The following BANP variants were observed in gnomAD, a reference collection of about 807,000 sequenced individuals.
The protein encoded by BANP is BTG3 associated nuclear protein, also known as protein BANP.
Under a neutral mutation model 68.1 loss-of-function variants are expected in BANP, and 11 were observed. The observed-to-expected ratio is 0.16, with a 90% CI of 0.10 to 0.27. The LOEUF is 0.27. Among genes scored for constraint, BANP ranks in the 10% least tolerant of loss-of-function variants. The pLI, the probability that BANP is intolerant of heterozygous loss-of-function variation, is 1.00. For synonymous variants in BANP, 329 were observed against 303.2 expected (o/e 1.09, Z -0.88); for missense variants, 504 against 722.7 (o/e 0.70, Z 3.47).
At chr16:88,040,359 A>G (rs902169187) in intron 11 of BANP, among the ~76,000 whole-genome samples, 1 of 151,952 alleles carries the variant, frequency 6.6e-6, no homozygotes, top group East Asian at 1.9e-4. Context: ...TTTGGGAGAC[A>G]GAAGGATGTT....
At chr16:88,073,460 G>A (rs1407669576) in intron 13 of BANP, among the ~76,000 whole-genome samples, 1 of 152,140 alleles carries the variant, frequency 6.6e-6, no homozygotes, top group Non-Finnish European at 1.5e-5. Flanking sequence ...TGTACTCTGC[G>A]TGGTGTTTGG....
chr16:88,002,174 A>G lies in BANP; in HGVS notation c.363-2121A>G, dbSNP rs2069590376. Among the ~76,000 whole-genome samples the G allele has an allele frequency of 3.3e-5, 5 of 151,744 alleles. No homozygotes were observed. Among genetic ancestry groups the G allele is most frequent in the Admixed American group, 3.3e-4 (5 of 15,224 alleles). ...GGTCCTGCTGTTTTTGGTTTTTATA[A>G]CTCTGGGTGCTGGGAAACTTGGGTC... On this transcript the variant is annotated intron_variant, in intron 4 of 13. Coordinates refer to ENST00000682872, the MANE Select transcript of BANP (RefSeq NM_001386991.1). The surrounding 1 kb of genome is among the most constrained non-coding windows in gnomAD (Gnocchi z 4.6).
intron 4 of BANP, among the ~76,000 whole-genome samples, chr16:87,991,037 C>T (rs2065775958): frequency 6.6e-6 from 1 of 152,368 alleles, no homozygotes; most frequent in Non-Finnish European, 1.5e-5. Flanking sequence ...ATTGGGATTA[C>T]AGGCGTGCAC....
chr16:87,958,914 G>A (rs1350598648), intron 1 of BANP, among the ~76,000 whole-genome samples: 1 of 152,230 alleles, frequency 6.6e-6, no homozygotes, highest in Non-Finnish European at 1.5e-5. Flanking sequence ...TGGAGGCTTC[G>A]GGATCCATCC....
At chr16:87,961,522 G>C (rs1415415535) in intron 1 of BANP, among the ~76,000 whole-genome samples, 1 of 152,012 alleles carries the variant, frequency 6.6e-6, no homozygotes. Flanking sequence ...CAGACCACCG[G>C]TGGAAGCAGA....
At chr16:87,972,817 C>G (rs545698624) in intron 1 of BANP, among the ~76,000 whole-genome samples, 1 of 152,246 alleles carries the variant, frequency 6.6e-6, no homozygotes, top group East Asian at 1.9e-4. Flanking sequence ...CGTTTCTTTT[C>G]AATGTATTTG....
intron 1 of BANP, among the ~76,000 whole-genome samples, chr16:87,955,915 A>G (rs996636293): frequency 1.3e-5 from 2 of 152,196 alleles, no homozygotes; most frequent in Non-Finnish European, 2.9e-5. Flanking sequence ...TCAAGTGTCC[A>G]GGTCTTGAAA....
intron 4 of BANP, among the ~76,000 whole-genome samples, chr16:87,995,384 T>A (rs377452201): frequency 3.2e-4 from 49 of 152,238 alleles, no homozygotes; most frequent in African/African-American, 1.1e-3. Flanking sequence ...GTGTGTTATG[T>A]AGGAGCATAA....
rs1418468167 is a variant in BANP, at chr16:88,058,702, A to G, written c.1312-6565A>G. ...TTGTAGGAAGCCTGTGGTATCTGAGACCATGGGACTGGGAGGTTGTAATTA... is the reference window on the plus strand; with the variant it reads ...TTGTAGGAAGCCTGTGGTATCTGAGGCCATGGGACTGGGAGGTTGTAATTA... On this transcript the variant is annotated intron_variant, in intron 11 of 13. Coordinates refer to ENST00000682872, the MANE Select transcript of BANP (RefSeq NM_001386991.1). Among the ~76,000 whole-genome samples the G allele has an allele frequency of 2.7e-5, 4 of 149,532 alleles. No homozygotes were observed. In the Admixed American group the frequency reaches 2.7e-4, roughly 10 times the overall value.
intron 11 of BANP, among the ~76,000 whole-genome samples, chr16:88,039,545 C>T (rs1318648524): frequency 7.0e-6 from 1 of 143,292 alleles, no homozygotes. Context: ...TTCCCTTGTT[C>T]CTGTCTCTAC....
intron 11 of BANP, among the ~76,000 whole-genome samples, chr16:88,040,809 G>A (rs73248993): frequency 0.028 from 4,205 of 152,336 alleles, 204 homozygotes; most frequent in African/African-American, 0.095. Flanking sequence ...GGGGGAGGGC[G>A]AGGAACAGCA....
intron 1 of BANP, among the ~76,000 whole-genome samples, chr16:87,973,753 C>CAAAAAAAAAAAAAAA (rs58334556): frequency 2.0e-5 from 2 of 99,490 alleles, no homozygotes; most frequent in Non-Finnish European, 3.6e-5. Flanking sequence ...AACTCCATCA[C>CAAAAAAAAAAAAAAA]AAAAAAAAAA....
At chr16:88,062,838 G>T (rs1048745790) in intron 11 of BANP, among the ~76,000 whole-genome samples, 5 of 152,208 alleles carry the variant, frequency 3.3e-5, no homozygotes, top group Non-Finnish European at 7.3e-5. Context: ...TACCCCTGAA[G>T]GCCTGCATCA....
intron 11 of BANP, among the ~76,000 whole-genome samples, chr16:88,048,712 C>T (rs1278012557): frequency 6.6e-6 from 1 of 152,086 alleles, no homozygotes; most frequent in Non-Finnish European, 1.5e-5. Flanking sequence ...GACGTCCATT[C>T]TAACGGTGTT....
At chr16:88,014,192 G>A (rs549972269) in intron 6 of BANP, among the ~76,000 whole-genome samples, 79 of 152,348 alleles carry the variant, frequency 5.2e-4, no homozygotes, top group African/African-American at 1.9e-3. Flanking sequence ...GGCTCATTGT[G>A]ACCTGCAGTG....
chr16:87,990,107 G>T (rs1239679774), intron 4 of BANP, among the ~76,000 whole-genome samples: 1 of 152,204 alleles, frequency 6.6e-6, no homozygotes, highest in Non-Finnish European at 1.5e-5. Context: ...TGAACATACT[G>T]ACTCGAAAAA....
intron 7 of BANP, 69 bp from the exon 8 acceptor site, chr16:88,027,414 G>A (rs2077220801): frequency 6.3e-7 from 1 of 1,581,120 alleles, no homozygotes; most frequent in East Asian, 2.2e-5. Flanking sequence ...CCCCGGCCCT[G>A]CAGCCAGGCA....
rs576722968 is a variant in BANP, at chr16:87,988,489, A to G, written c.362+4230A>G. ...ACCATGTTTGTCAGTCTGATCTCAA[A>G]CTCCTGACCTCATGATCCACCCGCC... On this transcript the variant is annotated intron_variant, in intron 4 of 13. Coordinates refer to ENST00000682872, the MANE Select transcript of BANP (RefSeq NM_001386991.1). Among the ~76,000 whole-genome samples, 3 of 150,590 alleles carry G rather than the reference A, an allele frequency of 2.0e-5. No individual in the cohort carries two copies. In the South Asian group the frequency reaches 6.3e-4, roughly 32 times the overall value.
upstream of BANP, chr16:87,950,879 C>G (rs78153063): frequency 4.9e-3 from 742 of 152,384 alleles, 8 homozygotes; most frequent in African/African-American, 0.017. Flanking sequence ...TCAGGGAAAA[C>G]GCCACCAAGC....
Sources: gnomAD v4.1 joint callset for allele counts (sites outside exome capture counted in the v4.1 genomes callset) on GRCh38, gnomAD v4.1.1 for gene constraint, Gnocchi (gnomAD v3.1) non-coding constraint, MANE v1.5 for transcripts, NCBI Gene and HGNC (gene_info 2026-07-23, HGNC 2026-07-21) for gene names.